TM2D2: variants seen among roughly 807,000 people sequenced by gnomAD.
TM2D2 encodes the protein TM2 domain containing 2.
TM2D2 carries 19 observed loss-of-function variants against 23.0 expected under a neutral mutation model. The observed-to-expected ratio is 0.82, with a 90% CI of 0.58 to 1.21. The LOEUF is 1.21. TM2D2 is among the 50% of genes most tolerant of loss of function. TM2D2 has a pLI of 0.00. For synonymous variants in TM2D2, 120 were observed against 108.8 expected (o/e 1.10, Z -0.64); for missense variants, 246 against 265.4 (o/e 0.93, Z 0.51).
intron 2 of TM2D2, 23 bp from the exon 3 acceptor site, chr8:38,993,683 A>G (rs1489342191): frequency 2.5e-6 from 4 of 1,570,448 alleles, no homozygotes; most frequent in African/African-American, 2.7e-5. Context: ...AACCAAGACC[A>G]AAACCAACTC....
upstream of TM2D2, chr8:38,996,896 C>A: frequency 2.0e-6 from 3 of 1,464,832 alleles, no homozygotes; most frequent in Non-Finnish European, 2.7e-6. Flanking sequence ...GAGCTCGGAC[C>A]GAGGGCTCAG....
At position 38,989,799 on chromosome 8, in the gene TM2D2, C is replaced by T. The variant is rs1835551570; in HGVS notation, c.*1533G>A. 6.6e-6 allele frequency: 1 copy of T among 151,734 alleles called. No homozygotes were observed. Among genetic ancestry groups the T allele is most frequent in the Non-Finnish European group, 1.5e-5 (1 of 68,016 alleles). 9.4% of individuals were successfully genotyped at this position (151,734 alleles called of 1,614,324 possible). On this transcript the variant is annotated 3_prime_UTR_variant, in exon 4 of 4. Transcript: ENST00000456397. ...AAATTTTTTTAAAATATACATATGG[C>T]ATCCTTGAACTCCCTTAAACTCTTT...
chr8:38,996,708 G>A (rs1835816070), upstream of TM2D2: 3 of 1,421,392 alleles, frequency 2.1e-6, no homozygotes, highest in African/African-American at 2.9e-5. Context: ...CGCCGAATGC[G>A]TTCTCCAATC....
upstream of TM2D2, chr8:38,996,949 G>T: frequency 1.4e-6 from 2 of 1,450,558 alleles, no homozygotes; most frequent in South Asian, 2.4e-5. Context: ...GCGCGTGCTC[G>T]TCGGGCGCGC....
In TM2D2 at chr8:38,990,212, T is replaced by C. The variant is rs1373229556; in HGVS notation, c.*1120A>G. 6.6e-6 allele frequency: 1 copy of C among 152,214 alleles called. No homozygotes were observed. Among genetic ancestry groups the C allele is most frequent in the Non-Finnish European group, 1.5e-5 (1 of 68,038 alleles). The allele number at this position is 152,214 out of a possible 1,614,324, so 9.4% of individuals were successfully genotyped here. A position where few individuals can be genotyped will look rare whatever the true frequency, so the allele number is the denominator to read the frequency against. ...ATGTATCCAGGGAAGTTATTTCAAC[T>C]GTGATATTTGGTCTTAAATTCAATT... On this transcript the variant is annotated 3_prime_UTR_variant, in exon 4 of 4. Transcript: ENST00000456397.
rs1442480304 is a variant in TM2D2, at chr8:38,996,491, C to G, written c.-52G>C. 8.1e-6 allele frequency: 13 copies of G among 1,607,030 alleles called. No homozygotes were observed. Among genetic ancestry groups the G allele is most frequent in the Non-Finnish European group, 1.0e-5 (12 of 1,175,806 alleles). The stretch of plus-strand genomic sequence containing the variant: ...GGCCTCAACCACAACCCCAGGCCAG[C>G]AGCACAGACCCAAGAACTGCGTGGT... On this transcript the variant is annotated 5_prime_UTR_variant, in exon 1 of 4. Coordinates refer to ENST00000456397, the MANE Select transcript of TM2D2 (RefSeq NM_078473.3).
rs778648539 is a variant in TM2D2, at chr8:38,991,301, C to T, written c.*31G>A. On this transcript the variant is annotated 3_prime_UTR_variant, in exon 4 of 4. Coordinates refer to ENST00000456397, the MANE Select transcript of TM2D2 (RefSeq NM_078473.3). ...TGAATTCAGAAGACGGAGCTTTCAC[C>T]CGCCTCCCTGGGCCATGATGGCAGC... 16 of 1,586,824 alleles carry T rather than the reference C, an allele frequency of 1.0e-5. No individual in the cohort carries two copies. The South Asian group carries it at 1.4e-4, about 14-fold the overall frequency.
At chr8:38,993,859 TA>T (rs1488778947) in intron 2 of TM2D2, 199 bp from the exon 3 acceptor site, 6 of 379,570 alleles carry the variant, frequency 1.6e-5, no homozygotes, top group Admixed American at 4.3e-5. Context: ...CTGTCTTAAA[TA>T]AACTCCTGCT....
intron 2 of TM2D2, chr8:38,995,104 C>G (rs1053131461): frequency 2.2e-6 from 1 of 453,912 alleles, no homozygotes; most frequent in African/African-American, 2.1e-5. Context: ...GGTCTTTGCA[C>G]CTGGGTGGTT....
At chr8:38,995,585 C>T in intron 1 of TM2D2, 180 bp from the exon 2 acceptor site, 1 of 1,479,976 alleles carries the variant, frequency 6.8e-7, no homozygotes, top group Non-Finnish European at 8.9e-7. Context: ...AAACGGACAG[C>T]CACCAAAATG....
chr8:38,996,570 G>A (rs1835810063), upstream of TM2D2: 1 of 1,476,124 alleles, frequency 6.8e-7, no homozygotes, highest in Non-Finnish European at 9.0e-7. Context: ...GCCAATGGAC[G>A]CGCAGCTCGA....
At chr8:38,996,952 G>A (rs754817700), upstream of TM2D2, 1 of 1,476,206 alleles carries the variant, frequency 6.8e-7, no homozygotes, top group Non-Finnish European at 9.1e-7. Flanking sequence ...CGTGCTCGTC[G>A]GGCGCGCGCG....
chr8:38,996,566 G>T, upstream of TM2D2: 1 of 1,481,492 alleles, frequency 6.7e-7, no homozygotes, highest in Non-Finnish European at 9.0e-7. Context: ...AACAGCCAAT[G>T]GACGCGCAGC....
upstream of TM2D2, chr8:38,996,961 C>T (rs537045513): frequency 1.9e-5 from 29 of 1,490,186 alleles, 1 homozygote; most frequent in East Asian, 6.4e-4. Flanking sequence ...CGGGCGCGCG[C>T]GCTTCCCGGC....
chr8:38,993,499 C>T (rs769369187), intron 3 of TM2D2, 46 bp downstream of exon 3: 157 of 1,399,426 alleles, frequency 1.1e-4, no homozygotes, highest in African/African-American at 1.4e-5. Context: ...GAAAATGGCT[C>T]TACCTCCAAC....
chr8:38,992,212 T>A (rs762986682), intron 3 of TM2D2, among the ~76,000 whole-genome samples: 101 of 144,206 alleles, frequency 7.0e-4, no homozygotes, highest in Non-Finnish European at 7.9e-4. Context: ...ATGCCTATAA[T>A]CCCGGCACTT....
In TM2D2 at chr8:38,988,980, A is replaced by C. The variant is rs1383930536; in HGVS notation, c.*2352T>G. ...ATCTGTCTACCAAAATTTAAGAAAC[A>C]ACCTGAATAAAGTGCAAAGGCAATC... On this transcript the variant is annotated 3_prime_UTR_variant, in exon 4 of 4. Coordinates refer to ENST00000456397, the MANE Select transcript of TM2D2 (RefSeq NM_078473.3). 1.3e-5 allele frequency: 2 copies of C among 152,252 alleles called. No homozygotes were observed. Among genetic ancestry groups the C allele is most frequent in the South Asian group, 2.1e-4 (1 of 4,834 alleles). The allele number at this position is 152,252 out of a possible 1,614,324, so 9.4% of individuals were successfully genotyped here. A position where few individuals can be genotyped will look rare whatever the true frequency, so the allele number is the denominator to read the frequency against.
chr8:38,996,514 G>T, upstream of TM2D2: 1 of 1,579,486 alleles, frequency 6.3e-7, no homozygotes, highest in African/African-American at 1.3e-5. Flanking sequence ...AGAACTGCGT[G>T]GTCAGGCCTT....
At chr8:38,996,569 C>T, upstream of TM2D2, 1 of 1,476,294 alleles carries the variant, frequency 6.8e-7, no homozygotes, top group Non-Finnish European at 9.0e-7. Context: ...AGCCAATGGA[C>T]GCGCAGCTCG....
Sources: allele counts gnomAD v4.1 joint callset (sites outside exome capture counted in the v4.1 genomes callset), GRCh38; gene constraint gnomAD v4.1.1; transcripts MANE v1.5; gene names NCBI Gene and HGNC (gene_info 2026-07-23, HGNC 2026-07-21).